Variants in ATXN7 observed in about 807,000 individuals in gnomAD.
ATXN7 encodes ataxin 7.
ATXN7 carries 12 observed loss-of-function variants against 70.5 expected under a neutral mutation model. The ratio of observed to expected loss-of-function variants is 0.17; its 90% CI spans 0.11 to 0.28. The LOEUF (loss-of-function observed/expected upper bound fraction) is 0.28, where lower values mean the gene tolerates loss of function less well. Ranked by LOEUF, ATXN7 falls within the 10% of genes least tolerant of loss-of-function variation. ATXN7 has a pLI of 1.00. For missense variants in ATXN7, 1,256 were observed against 1,131.7 expected (o/e 1.11, Z -1.58); for synonymous variants, 498 against 448.7 (o/e 1.11, Z -1.39).
At chr3:63,873,481 A>T (rs1010059042) in intron 1 of ATXN7, among the ~76,000 whole-genome samples, 1 of 152,174 alleles carries the variant, frequency 6.6e-6, no homozygotes, top group Admixed American at 6.6e-5. Context: ...GGGTCCCAGC[A>T]GGTGCCTTGG....
rs547258246 is a variant in ATXN7 at position 63,913,016 on chromosome 3, C to T, written c.325+93C>T. On this transcript the variant is annotated intron_variant, in intron 3 of 12. Transcript: ENST00000674280. ...CTGCCCCCCTCCTGTGACCCGCCCC[C>T]TCGAGGGGCAGAGATGCTATCGTTT... 11 of 1,433,142 alleles carry T rather than the reference C, an allele frequency of 7.7e-6. No individual in the cohort carries two copies. The East Asian group carries it at 1.5e-4, about 19-fold the overall frequency. The allele number at this position is 1,433,142 out of a possible 1,614,324, so 88.8% of individuals were successfully genotyped here.
rs866633023 is a variant in ATXN7 at position 63,892,489 on chromosome 3, A to T, written c.-110-5910A>T. On this transcript the variant is annotated intron_variant, in intron 1 of 12. Coordinates refer to ENST00000674280, the MANE Select transcript of ATXN7 (RefSeq NM_001377405.1). ...CCTTCACACACACACACACACACAC[A>T]CACACCCACACACACACACACACAC... 8.7e-5 allele frequency among the ~76,000 whole-genome samples: 13 copies of T among 149,428 alleles called. No individual in the cohort carries two copies. The East Asian group carries it at 2.0e-3, about 23-fold the overall frequency.
At chr3:63,879,283 C>A (rs1482528536) in intron 1 of ATXN7, among the ~76,000 whole-genome samples, 1 of 152,102 alleles carries the variant, frequency 6.6e-6, no homozygotes, top group African/African-American at 2.4e-5. Context: ...TGGAAAATCA[C>A]TGAAAGACCT....
chr3:63,998,393 CACT>C, intron 12 of ATXN7: 1 of 985,294 alleles, frequency 1.0e-6, no homozygotes, highest in South Asian at 4.7e-5. Flanking sequence ...TATACACACA[CACT>C]TTTTTTTCTC....
chr3:63,893,625 C>T (rs1703354875), intron 1 of ATXN7, among the ~76,000 whole-genome samples: 1 of 152,146 alleles, frequency 6.6e-6, no homozygotes, highest in African/African-American at 2.4e-5. Flanking sequence ...TGAGAAAGCC[C>T]TAGGACTGAC....
chr3:63,875,033 G>C (rs1702709451), intron 1 of ATXN7, among the ~76,000 whole-genome samples: 1 of 152,128 alleles, frequency 6.6e-6, no homozygotes, highest in African/African-American at 2.4e-5. Context: ...TATTCATGAA[G>C]GTTCTGCCCT....
chr3:63,894,708 G>T (rs1448931561), intron 1 of ATXN7, among the ~76,000 whole-genome samples: 1 of 152,062 alleles, frequency 6.6e-6, no homozygotes. Flanking sequence ...AAAATTTTCT[G>T]TAGAGACGGC....
At chr3:63,994,462 T>C (rs2075724025) in intron 11 of ATXN7, among the ~76,000 whole-genome samples, 1 of 152,204 alleles carries the variant, frequency 6.6e-6, no homozygotes, top group African/African-American at 2.4e-5. Flanking sequence ...CTCAAACTCC[T>C]GACCTCAAGT....
chr3:63,999,408 A>C (rs1350004417), intron 12 of ATXN7, 42 bp from the exon 13 acceptor site: 1 of 1,515,128 alleles, frequency 6.6e-7, no homozygotes. Flanking sequence ...ACAAACGCTT[A>C]CTTACCATTT....
At chr3:63,901,623 G>C (rs760269091) in intron 2 of ATXN7, 2 of 152,112 alleles carry the variant, frequency 1.3e-5, no homozygotes, top group Non-Finnish European at 2.9e-5. Flanking sequence ...TAGGGGTCTC[G>C]CTATGTGTCC....
chr3:63,917,414 T>G (rs1476956455), intron 4 of ATXN7, among the ~76,000 whole-genome samples: 2 of 152,224 alleles, frequency 1.3e-5, no homozygotes, highest in African/African-American at 4.8e-5. Context: ...AATAACTGAT[T>G]AGGGTTTCTA....
chr3:63,930,857 A>G (rs577298841), intron 4 of ATXN7, among the ~76,000 whole-genome samples: 65 of 152,146 alleles, frequency 4.3e-4, no homozygotes, highest in South Asian at 1.5e-3. Flanking sequence ...ATGGATTCGA[A>G]TGTATCTGTA....
At position 63,982,508 on chromosome 3, in the gene ATXN7, G is replaced by A. The variant is rs1197597647; in HGVS notation, c.1012+63G>A. On this transcript the variant is annotated intron_variant, in intron 7 of 12. Transcript: ENST00000674280. ...TATATTAAATGGGCATTCGTGGGGA[G>A]CAAATCAACTGCAATCTAGAATTCC... 8.9e-6 allele frequency: 12 copies of A among 1,351,504 alleles called. No individual in the cohort carries two copies. In the African/African-American group the frequency reaches 1.6e-4, roughly 18 times the overall value. 83.7% of individuals were successfully genotyped at this position (1,351,504 alleles called of 1,614,324 possible).
At chr3:63,991,713 T>G (rs2075674668) in intron 11 of ATXN7, among the ~76,000 whole-genome samples, 1 of 152,152 alleles carries the variant, frequency 6.6e-6, no homozygotes. Context: ...TGCTCCAGTT[T>G]GCAATTTAAG....
At chr3:63,866,862 C>T (rs1702447106) in intron 1 of ATXN7, 2 of 151,944 alleles carry the variant, frequency 1.3e-5, no homozygotes, top group Non-Finnish European at 2.9e-5. Context: ...TGGGCAGAAA[C>T]ACAGAAATGG....
intron 3 of ATXN7, 78 bp downstream of exon 3, chr3:63,913,001 C>T: frequency 7.2e-7 from 1 of 1,395,738 alleles, no homozygotes; most frequent in Non-Finnish European, 9.8e-7. Flanking sequence ...CTGCCCCCCT[C>T]CTGTGACCCG....
At chr3:63,980,372 C>T (rs987704086) in intron 6 of ATXN7, 1 of 666,368 alleles carries the variant, frequency 1.5e-6, no homozygotes, top group Non-Finnish European at 2.5e-6. Context: ...AATAAGGTTA[C>T]TAACATTTAT....
rs1184030742 is a variant in ATXN7, at chr3:63,912,629, G to A, written c.31G>A (p.Gly11Arg). Reference sequence around the variant, plus strand: ...GGAGCGGGCCGCGGATGACGTCAGGGGGGAGCCGCGCCGCGCGGCGGCGGC... The same window carrying A: ...GGAGCGGGCCGCGGATGACGTCAGGAGGGAGCCGCGCCGCGCGGCGGCGGC... Reference protein sequence around the residue: MSERAADDVRGEPRRAAAAAG... With the variant: MSERAADDVRREPRRAAAAAG... Residue 11 changes from glycine (G) to arginine (R), a missense_variant, in exon 3 of 13, where the codon GGG becomes AGG. Transcript: ENST00000674280. 2.0e-5 allele frequency: 21 copies of A among 1,059,812 alleles called. No individual in the cohort carries two copies. The highest frequency in any genetic ancestry group is 2.0e-5 in the Non-Finnish European group (17 of 869,432). The allele number at this position is 1,059,812 out of a possible 1,614,324, so 65.7% of individuals were successfully genotyped here.
intron 1 of ATXN7, among the ~76,000 whole-genome samples, chr3:63,890,026 AT>A (rs1227475934): frequency 6.6e-6 from 1 of 152,214 alleles, no homozygotes; most frequent in Non-Finnish European, 1.5e-5. Context: ...GGAAACAATC[AT>A]TTATTGACCA....
Sources: gnomAD v4.1 joint callset for allele counts (sites outside exome capture counted in the v4.1 genomes callset) on GRCh38, gnomAD v4.1.1 for gene constraint, MANE v1.5 for transcripts, NCBI Gene and HGNC (gene_info 2026-07-23, HGNC 2026-07-21) for gene names.